CERS4: variants seen among roughly 807,000 people sequenced by gnomAD.
CERS4 encodes the protein LAG1 homolog, ceramide synthase 4.
A neutral mutation model predicts 51.8 loss-of-function variants in CERS4; 65 were observed. The observed-to-expected ratio is 1.26, with a 90% CI of 1.03 to 1.54. CERS4 has a LOEUF of 1.54. CERS4 is among the 40% of genes most tolerant of loss of function. The probability of loss-of-function intolerance (pLI) is 0.00; values close to 1 mark genes in which losing one functional copy is unlikely to be tolerated. For synonymous variants in CERS4, 228 were observed against 208.4 expected (o/e 1.09, Z -0.81); for missense variants, 563 against 500.4 (o/e 1.13, Z -1.19).
intron 2 of CERS4, among the ~76,000 whole-genome samples, chr19:8,215,104 G>A (rs1000346758): frequency 1.3e-5 from 2 of 151,978 alleles, no homozygotes; most frequent in African/African-American, 2.4e-5. Flanking sequence ...GAGCCAGGAC[G>A]TTCTCAGATA....
intron 2 of CERS4, among the ~76,000 whole-genome samples, chr19:8,245,332 C>T (rs1245530037): frequency 6.6e-6 from 1 of 151,928 alleles, no homozygotes; most frequent in Non-Finnish European, 1.5e-5. Flanking sequence ...CTCATTGCAG[C>T]CCCAAACTCT....
chr19:8,253,131 G>A (rs1380122793), intron 3 of CERS4, among the ~76,000 whole-genome samples: 4 of 152,360 alleles, frequency 2.6e-5, no homozygotes, highest in Admixed American at 2.6e-4. Flanking sequence ...TAGGAGGGAT[G>A]GTGGATATAA....
At chr19:8,247,952 T>C in intron 2 of CERS4, among the ~76,000 whole-genome samples, 1 of 152,004 alleles carries the variant, frequency 6.6e-6, no homozygotes, top group Non-Finnish European at 1.5e-5. Flanking sequence ...CAGGCTGGTC[T>C]TGAACTCCTG....
Position 8,210,754 on chromosome 19 carries a change from G to C in CERS4, c.-110G>C, listed in dbSNP as rs1967051816. ...AGAAGTGGAGCTGGGGGACTGATTA[G>C]AAGCCTCATTCAGTGCACCTGGGCC... On this transcript the variant is annotated 5_prime_UTR_variant, in exon 2 of 12. Coordinates refer to ENST00000251363, the MANE Select transcript of CERS4 (RefSeq NM_024552.3). This position sits in a 1 kb window ranked among gnomAD's most constrained non-coding sequence, Gnocchi z 4.2. 1 of 152,256 alleles carries C rather than the reference G, an allele frequency of 6.6e-6. No homozygotes were observed. Among genetic ancestry groups the C allele is most frequent in the Admixed American group, 6.5e-5 (1 of 15,274 alleles). 9.4% of individuals were successfully genotyped at this position (152,256 alleles called of 1,614,324 possible).
At chr19:8,260,680 C>T (rs1412050915) in intron 10 of CERS4, among the ~76,000 whole-genome samples, 5 of 151,664 alleles carry the variant, frequency 3.3e-5, no homozygotes, top group Middle Eastern at 6.9e-3. Flanking sequence ...CTGGGTGCGG[C>T]GGCTCACGCC....
chr19:8,228,068 G>A (rs951589986), intron 2 of CERS4, among the ~76,000 whole-genome samples: 4 of 151,994 alleles, frequency 2.6e-5, no homozygotes, highest in African/African-American at 9.7e-5. Context: ...CACCATGTTG[G>A]CCAGGATGGT....
intron 2 of CERS4, among the ~76,000 whole-genome samples, chr19:8,230,194 T>C (rs1431061737): frequency 5.3e-5 from 8 of 152,110 alleles, no homozygotes; most frequent in Non-Finnish European, 1.2e-4. Context: ...TTTTTTCTTT[T>C]TTTTTCTTTT....
At chr19:8,233,508 G>A (rs1300932527) in intron 2 of CERS4, among the ~76,000 whole-genome samples, 1 of 151,886 alleles carries the variant, frequency 6.6e-6, no homozygotes, top group Non-Finnish European at 1.5e-5. Context: ...GTTTATCATT[G>A]TTATCTATGA....
At chr19:8,249,177 G>A (rs1324772940) in intron 2 of CERS4, among the ~76,000 whole-genome samples, 1 of 138,026 alleles carries the variant, frequency 7.2e-6, no homozygotes, top group Non-Finnish European at 1.6e-5. Context: ...ATGGGTGGGT[G>A]GACAGATGTT....
At chr19:8,259,644 GAACA>G (rs1969575473) in intron 10 of CERS4, among the ~76,000 whole-genome samples, 1 of 152,126 alleles carries the variant, frequency 6.6e-6, no homozygotes, top group Admixed American at 6.5e-5. Flanking sequence ...CAGGAGGTGG[GAACA>G]AGCACAGAAG....
At position 8,261,990 on chromosome 19, in the gene CERS4, GC is replaced by G. The variant is rs2145351370; in HGVS notation, c.1069del (p.Gln357ArgfsTer6). On this transcript the variant is annotated frameshift_variant, in exon 12 of 12. Transcript: ENST00000251363. LOFTEE classifies it low-confidence loss of function (END_TRUNC). ...AGACTCCAGTGAGGAGGCGGCGGCGGCCCAGGAACCTCTGCAGCTAAAGAAC... is the reference window on the plus strand; with the variant it reads ...AGACTCCAGTGAGGAGGCGGCGGCGGCCAGGAACCTCTGCAGCTAAAGAAC... ...ESDSSEEAAA[A>X]QEPLQLKNGA... 1 of 1,596,592 alleles carries G rather than the reference GC, an allele frequency of 6.3e-7. No individual in the cohort carries two copies. The highest frequency in any genetic ancestry group is 8.5e-7 in the Non-Finnish European group (1 of 1,172,108).
At chr19:8,217,093 CTT>C (rs1191995774) in intron 2 of CERS4, among the ~76,000 whole-genome samples, 1 of 152,100 alleles carries the variant, frequency 6.6e-6, no homozygotes, top group Non-Finnish European at 1.5e-5. Flanking sequence ...ACATTTATGA[CTT>C]TCCCACCCAC....
intron 2 of CERS4, among the ~76,000 whole-genome samples, chr19:8,235,011 C>CTT (rs567754538): frequency 6.3e-5 from 7 of 110,682 alleles, no homozygotes; most frequent in South Asian, 2.7e-4. Context: ...TTCTTTCTTT[C>CTT]TTTTTTTTTT....
chr19:8,247,981 G>A (rs963727467), intron 2 of CERS4, among the ~76,000 whole-genome samples: 6 of 151,884 alleles, frequency 4.0e-5, no homozygotes, highest in South Asian at 2.1e-4. Flanking sequence ...TGATCCACCC[G>A]CTTCAGCCTC....
intron 6 of CERS4, 96 bp downstream of exon 6, chr19:8,255,975 G>T: frequency 7.4e-7 from 1 of 1,343,640 alleles, no homozygotes; most frequent in Non-Finnish European, 1.1e-6. Flanking sequence ...AGCCAGAGAG[G>T]AAAACATGCA....
intron 2 of CERS4, chr19:8,239,404 A>T (rs930545705): frequency 2.3e-5 from 2 of 88,552 alleles, no homozygotes; most frequent in African/African-American, 7.6e-5. Context: ...CGTCTCAAAA[A>T]AAAAAAAGAA....
intron 2 of CERS4, among the ~76,000 whole-genome samples, chr19:8,241,795 C>G (rs1968549857): frequency 6.6e-6 from 1 of 152,102 alleles, no homozygotes; most frequent in South Asian, 2.1e-4. Flanking sequence ...TATAAACTGC[C>G]CGCCTGCCCT....
intron 4 of CERS4, among the ~76,000 whole-genome samples, 168 bp downstream of exon 4, chr19:8,254,784 C>A (rs1969286143): frequency 6.6e-6 from 1 of 150,616 alleles, no homozygotes; most frequent in South Asian, 2.1e-4. Context: ...AAGGGCTCTA[C>A]CCCCCAGCCT....
intron 2 of CERS4, among the ~76,000 whole-genome samples, chr19:8,230,360 T>C (rs1347854747): frequency 6.6e-6 from 1 of 151,990 alleles, no homozygotes; most frequent in African/African-American, 2.4e-5. Context: ...TGGCCAATTT[T>C]TGTATTTTTA....
Sources: allele counts gnomAD v4.1 joint callset (sites outside exome capture counted in the v4.1 genomes callset), GRCh38; gene constraint gnomAD v4.1.1; non-coding constraint Gnocchi (gnomAD v3.1); transcripts MANE v1.5; gene names NCBI Gene and HGNC (gene_info 2026-07-23, HGNC 2026-07-21).